C2orf69: variants seen among roughly 807,000 people sequenced by gnomAD.
The protein encoded by C2orf69 is chromosome 2 open reading frame 69, also known as mitochondrial protein C2orf69.
C2orf69 carries 19 observed loss-of-function variants against 29.5 expected under a neutral mutation model. The ratio of observed to expected loss-of-function variants is 0.65; its 90% CI spans 0.45 to 0.95. C2orf69 has a LOEUF of 0.95. Among genes scored for constraint, C2orf69 ranks in the 40% least tolerant of loss-of-function variants. The probability of loss-of-function intolerance (pLI) is 0.00; values close to 1 mark genes in which losing one functional copy is unlikely to be tolerated. For synonymous variants in C2orf69, 194 were observed against 180.0 expected (o/e 1.08, Z -0.62); for missense variants, 416 against 482.1 (o/e 0.86, Z 1.28).
intron 1 of C2orf69, among the ~76,000 whole-genome samples, chr2:199,919,657 G>C (rs1329516250): frequency 6.6e-6 from 1 of 152,224 alleles, no homozygotes; most frequent in Non-Finnish European, 1.5e-5. Flanking sequence ...CTAGGGAGTG[G>C]AGGAGGGGAA....
At position 199,911,488 on chromosome 2, in the gene C2orf69, C is replaced by T. The variant is rs1339569797; in HGVS notation, c.50C>T (p.Pro17Leu). 5 of 1,547,188 alleles carry T rather than the reference C, an allele frequency of 3.2e-6. No individual in the cohort carries two copies. The highest frequency in any genetic ancestry group is 2.5e-5 in the East Asian group (1 of 40,722). ...LRSPPLLLLL[P>L]QLGIGNASSC... ...TCGCCGCCGTTGCTGCTCCTGCTGC[C>T]GCAGCTCGGAATCGGAAACGCCTCG... The change falls in exon 1 of 2, where the codon CCG becomes CTG. Residue 17 changes from proline to leucine, a missense_variant. This residue lies in a region of C2orf69 where 175 missense variants were observed against 139.9 expected (regional missense o/e 1.25). Transcript: ENST00000319974.
chr2:199,926,738 T>C lies in C2orf69; in HGVS notation c.*852T>C, dbSNP rs1209281153. Reference sequence around the variant, plus strand: ...ATTTTGGGTAAGACATTCTGGGGTTTCTTGAATCTTGTCCAAAAACCAGTT... The same window carrying C: ...ATTTTGGGTAAGACATTCTGGGGTTCCTTGAATCTTGTCCAAAAACCAGTT... On this transcript the variant is annotated 3_prime_UTR_variant, in exon 2 of 2. Coordinates refer to ENST00000319974, the MANE Select transcript of C2orf69 (RefSeq NM_153689.6). The C allele has an allele frequency of 6.6e-6, 1 of 152,662 alleles. No individual in the cohort carries two copies. The highest frequency in any genetic ancestry group is 1.5e-5 in the Non-Finnish European group (1 of 68,032). The allele number at this position is 152,662 out of a possible 1,614,324, so 9.5% of individuals were successfully genotyped here. A position where few individuals can be genotyped will look rare whatever the true frequency, so the allele number is the denominator to read the frequency against.
chr2:199,911,472 T>TTGCTGCTCC lies in C2orf69; in HGVS notation c.41_49dup (p.Leu14_Leu16dup), dbSNP rs1559290283. On this transcript the variant is annotated inframe_insertion, in exon 1 of 2. Coordinates refer to ENST00000319974, the MANE Select transcript of C2orf69 (RefSeq NM_153689.6). ...GTTCAGGCTCCTGCGGTCGCCGCCG[T>TTGCTGCTCC]TGCTGCTCCTGCTGCCGCAGCTCGG... 1.9e-6 allele frequency: 3 copies of TTGCTGCTCC among 1,545,952 alleles called. No individual in the cohort carries two copies. Among genetic ancestry groups the TTGCTGCTCC allele is most frequent in the Admixed American group, 3.9e-5 (2 of 50,698 alleles).
chr2:199,916,297 A>G (rs1006496128), intron 1 of C2orf69, among the ~76,000 whole-genome samples: 1 of 152,192 alleles, frequency 6.6e-6, no homozygotes, highest in African/African-American at 2.4e-5. Context: ...GTTACCTCCC[A>G]CTGGGTCCCT....
chr2:199,920,553 A>G (rs926032040), intron 1 of C2orf69, among the ~76,000 whole-genome samples: 2 of 152,106 alleles, frequency 1.3e-5, no homozygotes, highest in African/African-American at 4.8e-5. Context: ...TAACTATAAA[A>G]AGGATTTAGA....
At chr2:199,922,312 C>T (rs1209950572) in intron 1 of C2orf69, among the ~76,000 whole-genome samples, 2 of 151,796 alleles carry the variant, frequency 1.3e-5, no homozygotes, top group Non-Finnish European at 2.9e-5. Flanking sequence ...ATGTTGCTCA[C>T]GCTGGTCTCA....
intron 1 of C2orf69, among the ~76,000 whole-genome samples, chr2:199,921,365 G>C (rs1260429387): frequency 6.6e-6 from 1 of 151,902 alleles, no homozygotes; most frequent in Non-Finnish European, 1.5e-5. Flanking sequence ...ATGTAACTTA[G>C]GAAGGAATTG....
chr2:199,911,371 C>T lies in C2orf69; in HGVS notation c.-68C>T, dbSNP rs886452471. 23 of 1,389,434 alleles carry T rather than the reference C, an allele frequency of 1.7e-5. No individual in the cohort carries two copies. In the East Asian group the frequency reaches 5.9e-4, roughly 35 times the overall value. 86.1% of individuals were successfully genotyped at this position (1,389,434 alleles called of 1,614,324 possible). On this transcript the variant is annotated 5_prime_UTR_variant, in exon 1 of 2. Coordinates refer to ENST00000319974, the MANE Select transcript of C2orf69 (RefSeq NM_153689.6). ...GTTGAGCCGCCGGCTGAGCCGCCTG[C>T]TGAAGTCCCTCCCTCAGGAACCCCT...
intron 1 of C2orf69, among the ~76,000 whole-genome samples, chr2:199,913,304 TTATAA>T (rs1332316183): frequency 1.9e-5 from 2 of 102,978 alleles, no homozygotes; most frequent in South Asian, 2.3e-4. Context: ...ATATATTCTA[TTATAA>T]TATATATTAT....
At chr2:199,911,822 C>G in intron 1 of C2orf69, 51 bp downstream of exon 1, 1 of 1,534,966 alleles carries the variant, frequency 6.5e-7, no homozygotes, top group Admixed American at 2.0e-5. Flanking sequence ...TGTATACGTA[C>G]GCGGTCACTG....
intron 1 of C2orf69, among the ~76,000 whole-genome samples, chr2:199,917,044 C>T (rs900948361): frequency 6.6e-6 from 1 of 152,220 alleles, no homozygotes; most frequent in Non-Finnish European, 1.5e-5. Flanking sequence ...GTTCCCCAAC[C>T]TCAATTCCTT....
chr2:199,913,587 G>T (rs2077282835), intron 1 of C2orf69, among the ~76,000 whole-genome samples: 2 of 129,276 alleles, frequency 1.5e-5, no homozygotes, highest in African/African-American at 3.0e-5. Flanking sequence ...ATTTTCTTTT[G>T]CCCTCAAAAT....
chr2:199,914,942 G>A (rs2077287722), intron 1 of C2orf69, among the ~76,000 whole-genome samples: 1 of 151,978 alleles, frequency 6.6e-6, no homozygotes, highest in African/African-American at 2.4e-5. Flanking sequence ...TACTATACTA[G>A]TTTTCGTTTT....
chr2:199,925,428 A>G lies in C2orf69; in HGVS notation c.700A>G (p.Lys234Glu), dbSNP rs773529628. The part of the protein sequence containing the change: ...SHTTNGCQGE[K>E]VRTCEKSDES... ...TACTACGAATGGTTGCCAGGGAGAA[A>G]AAGTGAGGACCTGTGAAAAATCTGA... Residue 234 changes from lysine to glutamate, a missense_variant, in exon 2 of 2, where the codon AAA becomes GAA. Physicochemically the swap from Lys to Glu is moderately conservative, Grantham distance 56. This residue lies in a region of C2orf69 where 225 missense variants were observed against 307.3 expected (regional missense o/e 0.73). Transcript: ENST00000319974. The surrounding 1 kb of genome is among the most constrained non-coding windows in gnomAD (Gnocchi z 4.9). The G allele has an allele frequency of 6.2e-7, 1 of 1,613,876 alleles. No homozygotes were observed. The highest frequency in any genetic ancestry group is 8.5e-7 in the Non-Finnish European group (1 of 1,179,864).
rs1436495835 is a variant in C2orf69 at position 199,911,523 on chromosome 2, C to G, written c.85C>G (p.Gln29Glu). Residue 29 changes from glutamine (Q) to glutamate (E), a missense_variant, in exon 1 of 2, where the codon CAG (glutamine) becomes GAG (glutamate). Around this residue, in one of 4 missense-constraint regions of C2orf69, gnomAD observed 175 missense variants for 139.9 expected, o/e 1.25. Transcript: ENST00000319974. ...AATCGGAAACGCCTCGTCCTGCTCTCAGGCCAGAACCATGAACCCGGGCGG... is the reference window on the plus strand; with the variant it reads ...AATCGGAAACGCCTCGTCCTGCTCTGAGGCCAGAACCATGAACCCGGGCGG... ...LGIGNASSCS[Q>E]ARTMNPGGSG... 1.2e-5 allele frequency: 18 copies of G among 1,549,512 alleles called. No homozygotes were observed. The highest frequency in any genetic ancestry group is 1.6e-5 in the Non-Finnish European group (18 of 1,146,640).
intron 1 of C2orf69, among the ~76,000 whole-genome samples, chr2:199,921,846 TC>T (rs1159169551): frequency 6.6e-6 from 1 of 151,790 alleles, no homozygotes; most frequent in Admixed American, 6.6e-5. Context: ...GGATGATTTT[TC>T]TATCTTACCT....
chr2:199,925,104 T>C lies in C2orf69; in HGVS notation c.376T>C (p.Trp126Arg). Reference sequence around the variant, plus strand: ...GACTCGTCATCCTGAGAATTATCAATGGGAAAACTGGAGTCTAGAAAATGT... The same window carrying C: ...GACTCGTCATCCTGAGAATTATCAACGGGAAAACTGGAGTCTAGAAAATGT... The part of the protein sequence containing the change: ...IMTRHPENYQ[W>R]ENWSLENVAT... The change falls in exon 2 of 2, where the codon TGG (tryptophan) becomes CGG (arginine). Residue 126 changes from tryptophan (W) to arginine (R), a missense_variant. Transcript: ENST00000319974. The surrounding 1 kb of genome is among the most constrained non-coding windows in gnomAD (Gnocchi z 4.9). The C allele has an allele frequency of 6.2e-7, 1 of 1,612,524 alleles. No homozygotes were observed. Among genetic ancestry groups the C allele is most frequent in the Non-Finnish European group, 8.5e-7 (1 of 1,178,756 alleles).
chr2:199,920,082 C>G (rs2077310138), intron 1 of C2orf69, among the ~76,000 whole-genome samples: 1 of 152,160 alleles, frequency 6.6e-6, no homozygotes, highest in Non-Finnish European at 1.5e-5. Flanking sequence ...CACCCCTTAC[C>G]TCTTATGGGG....
chr2:199,912,653 T>C (rs1175846465), intron 1 of C2orf69, among the ~76,000 whole-genome samples: 1 of 152,148 alleles, frequency 6.6e-6, no homozygotes, highest in Non-Finnish European at 1.5e-5. Context: ...TCTTTTTTGT[T>C]TTTTTGAGAC....
Sources: allele counts gnomAD v4.1 joint callset (sites outside exome capture counted in the v4.1 genomes callset), GRCh38; gene constraint gnomAD v4.1.1; regional missense constraint gnomAD v4.1.1; non-coding constraint Gnocchi (gnomAD v3.1); transcripts MANE v1.5; gene names NCBI Gene and HGNC (gene_info 2026-07-23, HGNC 2026-07-21).